Variants in CDKL3 observed in about 807,000 individuals in gnomAD.
The protein encoded by CDKL3 is cyclin-dependent kinase-like 3.
CDKL3 carries 65 observed loss-of-function variants against 69.3 expected under a neutral mutation model. That is an observed-to-expected ratio of 0.94 (90% CI 0.77 to 1.15). The LOEUF (loss-of-function observed/expected upper bound fraction) is 1.15, where lower values mean the gene tolerates loss of function less well. Among genes scored for constraint, CDKL3 ranks in the 50% most tolerant of loss-of-function variants. The pLI is 0.00. For missense variants in CDKL3, 652 were observed against 689.2 expected (o/e 0.95, Z 0.61); for synonymous variants, 202 against 221.6 (o/e 0.91, Z 0.79).
chr5:134,324,048 A>T (rs1773488187), intron 4 of CDKL3, among the ~76,000 whole-genome samples: 1 of 152,212 alleles, frequency 6.6e-6, no homozygotes, highest in South Asian at 2.1e-4. Context: ...AAGAATATAC[A>T]TTTCACCAAA....
intron 4 of CDKL3, among the ~76,000 whole-genome samples, chr5:134,337,293 G>A (rs1777360881): frequency 6.6e-6 from 1 of 152,120 alleles, no homozygotes; most frequent in African/African-American, 2.4e-5. Flanking sequence ...ATCAATCCCT[G>A]ACCCCTTGCA....
downstream of CDKL3, among the ~76,000 whole-genome samples, chr5:134,293,808 A>C (rs1765230976): frequency 6.6e-6 from 1 of 151,960 alleles, no homozygotes; most frequent in African/African-American, 2.4e-5. Flanking sequence ...TCTACAAAAA[A>C]AAATTTTTTA....
At chr5:134,304,862 C>T (rs1024743968) in intron 10 of CDKL3, among the ~76,000 whole-genome samples, 23 of 149,554 alleles carry the variant, frequency 1.5e-4, no homozygotes, top group Admixed American at 1.3e-3. Context: ...ATTTTGAGTG[C>T]ATTGGCATGA....
At chr5:134,321,642 A>C in intron 5 of CDKL3, 149 bp downstream of exon 5, 2 of 524,608 alleles carry the variant, frequency 3.8e-6, no homozygotes. Flanking sequence ...TGCCTTCTTT[A>C]TCAGCCCAAG....
chr5:134,347,411 G>T (rs1752173463), intron 4 of CDKL3, among the ~76,000 whole-genome samples: 1 of 151,946 alleles, frequency 6.6e-6, no homozygotes, highest in Non-Finnish European at 1.5e-5. Flanking sequence ...ATACCCAAAA[G>T]AAATGAAAAC....
chr5:134,358,273 G>A lies in CDKL3; in HGVS notation c.360+1624C>T, dbSNP rs892750530. Among the ~76,000 whole-genome samples, 6 of 151,906 alleles carry A rather than the reference G, an allele frequency of 3.9e-5. No individual in the cohort carries two copies. The South Asian group carries it at 6.2e-4, about 16-fold the overall frequency. On this transcript the variant is annotated intron_variant, in intron 3 of 12. Coordinates refer to ENST00000265334, the MANE Select transcript of CDKL3 (RefSeq NM_001113575.2). The stretch of plus-strand genomic sequence containing the variant: ...AGCACTCTCTGAAGTCCCCTGCTCC[G>A]GTCTACTTCTATTTTCACAATGGTA...
rs184536258 is a variant in CDKL3 at position 134,361,764 on chromosome 5, C to T, written c.166-1673G>A. Reference sequence around the variant, plus strand: ...ACTAAAAACACAAAAATTAGACCAGCGTGGTGGTGGGCACCTGTAATCCCA... The same window carrying T: ...ACTAAAAACACAAAAATTAGACCAGTGTGGTGGTGGGCACCTGTAATCCCA... On this transcript the variant is annotated intron_variant, in intron 2 of 12. Coordinates refer to ENST00000265334, the MANE Select transcript of CDKL3 (RefSeq NM_001113575.2). 1.2e-4 allele frequency among the ~76,000 whole-genome samples: 18 copies of T among 152,170 alleles called. No homozygotes were observed. In the East Asian group the frequency reaches 3.3e-3, roughly 28 times the overall value.
chr5:134,299,093 C>T (rs983987351), intron 12 of CDKL3, among the ~76,000 whole-genome samples: 4 of 152,124 alleles, frequency 2.6e-5, no homozygotes, highest in African/African-American at 7.2e-5. Flanking sequence ...AGACTGGTCT[C>T]GAACTCCTGG....
At chr5:134,371,327 A>T (rs1220748110), upstream of CDKL3, 3 of 577,982 alleles carry the variant, frequency 5.2e-6, no homozygotes, top group Non-Finnish European at 9.2e-6. Context: ...GCCCAGGGGG[A>T]ACCGCGCCCC....
At chr5:134,314,373 T>C (rs1458838049) in intron 6 of CDKL3, among the ~76,000 whole-genome samples, 3 of 152,182 alleles carry the variant, frequency 2.0e-5, no homozygotes, top group Non-Finnish European at 4.4e-5. Flanking sequence ...CATGACACTT[T>C]GGGAAACAGA....
chr5:134,356,023 T>C (rs970397498), intron 3 of CDKL3, among the ~76,000 whole-genome samples: 30 of 152,322 alleles, frequency 2.0e-4, no homozygotes, highest in African/African-American at 6.5e-4. Flanking sequence ...ACATTTATAG[T>C]GCACTTTACT....
downstream of CDKL3, among the ~76,000 whole-genome samples, chr5:134,285,097 T>C (rs1445331660): frequency 6.6e-6 from 1 of 152,230 alleles, no homozygotes; most frequent in Admixed American, 6.5e-5. Flanking sequence ...CTGCCATGGC[T>C]TCAGCCGGTC....
chr5:134,290,675 G>A (rs1413250565), intron 8 of CDKL3, among the ~76,000 whole-genome samples: 1 of 152,106 alleles, frequency 6.6e-6, no homozygotes, highest in Admixed American at 6.6e-5. Context: ...TTTGGGCAGA[G>A]CAATGACATC....
At chr5:134,294,824 A>C (rs77677045), downstream of CDKL3, among the ~76,000 whole-genome samples, 625 of 152,216 alleles carry the variant, frequency 4.1e-3, 5 homozygotes, top group African/African-American at 0.013. Context: ...AAATAACTGG[A>C]AGATGAGATT....
chr5:134,336,253 G>A (rs1423109903), intron 4 of CDKL3, among the ~76,000 whole-genome samples: 1 of 152,066 alleles, frequency 6.6e-6, no homozygotes, highest in African/African-American at 2.4e-5. Flanking sequence ...TTAGCTTCCT[G>A]GCAATGGGTT....
chr5:134,298,823 T>C (rs1190573961), intron 12 of CDKL3, 113 bp from the exon 13 acceptor site: 4 of 1,412,150 alleles, frequency 2.8e-6, no homozygotes, highest in Non-Finnish European at 3.8e-6. Flanking sequence ...ATTATAAACA[T>C]GCTAGTCAAG....
chr5:134,363,704 G>A (rs1756629261), intron 2 of CDKL3, among the ~76,000 whole-genome samples: 1 of 151,818 alleles, frequency 6.6e-6, no homozygotes, highest in Non-Finnish European at 1.5e-5. Flanking sequence ...CAGGCAATCC[G>A]CCCGCCTCGG....
intron 2 of CDKL3, among the ~76,000 whole-genome samples, chr5:134,363,840 C>G (rs1348962882): frequency 6.6e-6 from 1 of 151,688 alleles, no homozygotes; most frequent in Non-Finnish European, 1.5e-5. Context: ...GCCTGTAATC[C>G]TAGCTCTTTC....
chr5:134,339,954 C>A (rs1324972460), intron 4 of CDKL3, among the ~76,000 whole-genome samples: 2 of 151,920 alleles, frequency 1.3e-5, no homozygotes, highest in South Asian at 2.1e-4. Context: ...GAGTTTGAGA[C>A]CAGCCTGGGT....
Sources: gnomAD v4.1 joint callset for allele counts (sites outside exome capture counted in the v4.1 genomes callset) on GRCh38, gnomAD v4.1.1 for gene constraint, MANE v1.5 for transcripts, NCBI Gene and HGNC (gene_info 2026-07-23, HGNC 2026-07-21) for gene names.